NOP53: variants seen among roughly 807,000 people sequenced by gnomAD.
The protein encoded by NOP53 is NOP53 ribosome biogenesis factor.
In NOP53, 40 loss-of-function variants were observed where a neutral mutation model predicts 61.0. That is an observed-to-expected ratio of 0.66 (90% CI 0.51 to 0.85). The LOEUF (loss-of-function observed/expected upper bound fraction) is 0.85, where lower values mean the gene tolerates loss of function less well. Ranked by LOEUF, NOP53 falls within the 40% of genes least tolerant of loss-of-function variation. NOP53 has a pLI of 0.00. For missense variants in NOP53, 689 were observed against 652.9 expected (o/e 1.06, Z -0.60); for synonymous variants, 308 against 289.5 (o/e 1.06, Z -0.65).
In NOP53 at chr19:47,752,594, T is replaced by C; in HGVS notation, c.752T>C (p.Phe251Ser). 6.2e-7 allele frequency: 1 copy of C among 1,604,334 alleles called. No individual in the cohort carries two copies. Among genetic ancestry groups the C allele is most frequent in the Non-Finnish European group, 8.5e-7 (1 of 1,171,590 alleles). The change falls in exon 6 of 13, where the codon TTT becomes TCT. Residue 251 changes from phenylalanine to serine, a missense_variant. Physicochemically the swap from Phe to Ser is radical, Grantham distance 155. Coordinates refer to ENST00000246802, the MANE Select transcript of NOP53 (RefSeq NM_015710.5). ...APAGASYNPS[F>S]EDHQTLLSAA... is the part of the protein sequence containing the mutation. ...GCCGGAGCTTCCTACAATCCATCCT[T>C]TGAAGACCACCAGGTACACTGCCCC...
Position 47,752,606 on chromosome 19 carries a change from A to G in NOP53, c.764A>G (p.Gln255Arg), listed in dbSNP as rs1289025792. The G allele has an allele frequency of 1.9e-6, 3 of 1,582,962 alleles. No homozygotes were observed. The highest frequency in any genetic ancestry group is 1.3e-5 in the African/African-American group (1 of 74,548). ...TACAATCCATCCTTTGAAGACCACCAGGTACACTGCCCCGTCCAGGCCTCC... is the reference window on the plus strand; with the variant it reads ...TACAATCCATCCTTTGAAGACCACCGGGTACACTGCCCCGTCCAGGCCTCC... ...ASYNPSFEDHQTLLSAAHEVE... is the reference protein window; with the variant it reads ...ASYNPSFEDHRTLLSAAHEVE... The change falls in exon 6 of 13, where the codon CAG becomes CGG. Residue 255 changes from glutamine to arginine, a missense_variant and splice_region_variant. Gln to Arg is a conservative substitution (Grantham distance 43). Coordinates refer to ENST00000246802, the MANE Select transcript of NOP53 (RefSeq NM_015710.5).
chr19:47,756,166 C>T (rs1967195268), intron 10 of NOP53: 2 of 510,848 alleles, frequency 3.9e-6, no homozygotes, highest in South Asian at 5.1e-5. Flanking sequence ...TGAGGAAGCC[C>T]AGCTCCTCTG....
intron 2 of NOP53, 52 bp downstream of exon 2, chr19:47,747,083 C>T (rs889029023): frequency 2.2e-6 from 3 of 1,375,472 alleles, no homozygotes; most frequent in Non-Finnish European, 3.1e-6. Context: ...TGTTAGTCAG[C>T]TTACGGTAGC....
At position 47,754,900 on chromosome 19, in the gene NOP53, C is replaced by G; in HGVS notation, c.1053+9C>G. 1 of 1,496,896 alleles carries G rather than the reference C, an allele frequency of 6.7e-7. No homozygotes were observed. Among genetic ancestry groups the G allele is most frequent in the Non-Finnish European group, 8.8e-7 (1 of 1,134,508 alleles). The allele number at this position is 1,496,896 out of a possible 1,614,324, so 92.7% of individuals were successfully genotyped here. A position where few individuals can be genotyped will look rare whatever the true frequency, so the allele number is the denominator to read the frequency against. On this transcript the variant is annotated intron_variant, in intron 8 of 12. Coordinates refer to ENST00000246802, the MANE Select transcript of NOP53 (RefSeq NM_015710.5). The surrounding 1 kb of genome is among the most constrained non-coding windows in gnomAD (Gnocchi z 4.2). ...AGGCTGTGCACAGGCTGGTGAGCGC[C>G]TGGGCCAGCGGGGCCTGCCTCTGAT...
Position 47,750,888 on chromosome 19 carries a change from T to G in NOP53, c.399-20T>G. ...GCTGCCACCTCACCTGCTGCACTTG[T>G]GCCCCCTCTCCCCGACCAGCGTCCT... On this transcript the variant is annotated intron_variant, in intron 3 of 12. Transcript: ENST00000246802. 1 of 1,564,128 alleles carries G rather than the reference T, an allele frequency of 6.4e-7. No individual in the cohort carries two copies. The highest frequency in any genetic ancestry group is 8.7e-7 in the Non-Finnish European group (1 of 1,154,910).
chr19:47,755,315 G>T (rs752713080), intron 8 of NOP53, 33 bp from the exon 9 acceptor site: 1 of 1,412,534 alleles, frequency 7.1e-7, no homozygotes, highest in South Asian at 1.4e-5. Flanking sequence ...GGGCAGCACC[G>T]GCCTGAGCCC....
intron 1 of NOP53, 21 bp downstream of exon 1, chr19:47,745,804 G>A: frequency 6.7e-7 from 1 of 1,489,052 alleles, no homozygotes; most frequent in Non-Finnish European, 9.0e-7. Flanking sequence ...CGGGACTTCC[G>A]GGAGGTGGGA....
At position 47,750,997 on chromosome 19, in the gene NOP53, G is replaced by T. The variant is rs760081568; in HGVS notation, c.488G>T (p.Arg163Leu). 6.3e-7 allele frequency: 1 copy of T among 1,595,700 alleles called. No individual in the cohort carries two copies. The highest frequency in any genetic ancestry group is 8.5e-7 in the Non-Finnish European group (1 of 1,172,210). Residue 163 changes from arginine to leucine, a missense_variant, in exon 4 of 13, where the codon CGG becomes CTG. Physicochemically the swap from Arg to Leu is moderately radical, Grantham distance 102. Coordinates refer to ENST00000246802, the MANE Select transcript of NOP53 (RefSeq NM_015710.5). ...CTGGCCAAGCAGGGCGAGCTGCCCCGGGAGGTGCGCAGGGCCCAGGCCCGG... is the reference window on the plus strand; with the variant it reads ...CTGGCCAAGCAGGGCGAGCTGCCCCTGGAGGTGCGCAGGGCCCAGGCCCGG... Reference protein sequence around the residue: ...EKLAKQGELPREVRRAQARLL... With the variant: ...EKLAKQGELPLEVRRAQARLL...
rs1218395217 is a variant in NOP53 at position 47,754,819 on chromosome 19, G to A, written c.981G>A (p.Thr327=). 2.3e-5 allele frequency: 35 copies of A among 1,534,374 alleles called. No individual in the cohort carries two copies. In the East Asian group the frequency reaches 4.0e-4, roughly 18 times the overall value. ...PEAGDAEVCP[T]PARLATTEKK... Reference sequence around the variant, plus strand: ...CTGGGGATGCCGAGGTCTGTCCCACGCCCGCCCGCCTGGCCACCACAGAGA... The same window carrying A: ...CTGGGGATGCCGAGGTCTGTCCCACACCCGCCCGCCTGGCCACCACAGAGA... Residue 327 remains threonine (T), a synonymous_variant, in exon 8 of 13, where the codon ACG becomes ACA. Coordinates refer to ENST00000246802, the MANE Select transcript of NOP53 (RefSeq NM_015710.5). The surrounding 1 kb of genome is among the most constrained non-coding windows in gnomAD (Gnocchi z 4.2).
chr19:47,750,568 C>T (rs1028099153), intron 3 of NOP53, among the ~76,000 whole-genome samples: 2 of 151,884 alleles, frequency 1.3e-5, no homozygotes, highest in African/African-American at 2.4e-5. Context: ...GGGGCATGAG[C>T]GGGTGAGAGG....
At chr19:47,755,959 G>A (rs1487140504) in intron 10 of NOP53, 137 bp downstream of exon 10, 1 of 660,034 alleles carries the variant, frequency 1.5e-6, no homozygotes, top group Non-Finnish European at 2.7e-6. Flanking sequence ...AGGGGCTGAG[G>A]GCACGGGATG....
chr19:47,756,800 CCCA>C, intron 12 of NOP53, 56 bp downstream of exon 12: 1 of 1,572,440 alleles, frequency 6.4e-7, no homozygotes, highest in South Asian at 1.1e-5. Flanking sequence ...CCCCGTGGTG[CCCA>C]CCGAGTCCCA....
At chr19:47,751,195 GA>G in intron 4 of NOP53, 88 bp downstream of exon 4, 2 of 1,242,622 alleles carry the variant, frequency 1.6e-6, no homozygotes, top group Non-Finnish European at 1.1e-6. Flanking sequence ...AGTACAGTGT[GA>G]AAGGGAGTGC....
rs142374779 is a variant in NOP53, at chr19:47,751,590, G to A, written c.669G>A (p.Lys223=). ...AGCAGACCAAGAAGAAAGGAGTGAAGGTGAGATGTGTGGGAAGGGCATCCT... is the reference window on the plus strand; with the variant it reads ...AGCAGACCAAGAAGAAAGGAGTGAAAGTGAGATGTGTGGGAAGGGCATCCT... ...FLEQTKKKGV[K]RPARLHTKPS... is the part of the protein sequence containing the mutation. The change falls in exon 5 of 13, where the codon AAG becomes AAA. Residue 223 remains lysine, a splice_region_variant and synonymous_variant. Coordinates refer to ENST00000246802, the MANE Select transcript of NOP53 (RefSeq NM_015710.5). 1.2e-6 allele frequency: 2 copies of A among 1,613,208 alleles called. No homozygotes were observed. The highest frequency in any genetic ancestry group is 1.7e-6 in the Non-Finnish European group (2 of 1,179,282).
Position 47,756,983 on chromosome 19 carries a change from T to A in NOP53, c.1431-16T>A. 6.2e-7 allele frequency: 1 copy of A among 1,614,106 alleles called. No homozygotes were observed. Among genetic ancestry groups the A allele is most frequent in the Non-Finnish European group, 8.5e-7 (1 of 1,179,938 alleles). On this transcript the variant is annotated splice_polypyrimidine_tract_variant and intron_variant, in intron 12 of 12. Coordinates refer to ENST00000246802, the MANE Select transcript of NOP53 (RefSeq NM_015710.5). ...CACCCTCTCACCCACCCTCAGCTCC[T>A]TTCCTCTGTCCCCAGGTTGTAGCTG...
At position 47,750,890 on chromosome 19, in the gene NOP53, C is replaced by T. The variant is rs1327063080; in HGVS notation, c.399-18C>T. ...TGCCACCTCACCTGCTGCACTTGTG[C>T]CCCCTCTCCCCGACCAGCGTCCTCG... On this transcript the variant is annotated intron_variant, in intron 3 of 12. Transcript: ENST00000246802. 1 of 1,565,328 alleles carries T rather than the reference C, an allele frequency of 6.4e-7. No homozygotes were observed. The highest frequency in any genetic ancestry group is 8.7e-7 in the Non-Finnish European group (1 of 1,155,598).
rs1315360118 is a variant in NOP53 at position 47,754,131 on chromosome 19, GC to G, written c.766-394del. The G allele has an allele frequency of 5.7e-6, 1 of 176,562 alleles. No individual in the cohort carries two copies. Among genetic ancestry groups the G allele is most frequent in the Admixed American group, 5.7e-5 (1 of 17,446 alleles). 10.9% of individuals were successfully genotyped at this position (176,562 alleles called of 1,614,324 possible). ...CATCTCTACTAAAGTTACAGAATTA[GC>G]CGGGTATGGTGGCACATGCCTGTAA... On this transcript the variant is annotated intron_variant, in intron 6 of 12. Coordinates refer to ENST00000246802, the MANE Select transcript of NOP53 (RefSeq NM_015710.5). This position sits in a 1 kb window ranked among gnomAD's most constrained non-coding sequence, Gnocchi z 4.2.
In NOP53 at chr19:47,750,221, T is replaced by C. The variant is rs569945779; in HGVS notation, c.333T>C (p.Leu111=). The stretch of plus-strand genomic sequence containing the variant: ...CCAAAGTCCAGAAGAAGTCACTGCT[T>C]CTCAAGAAACCCCTTCGGGTTGACC... The part of the protein sequence containing the change: ...KRTKVQKKSL[L]LKKPLRVDLI... The change falls in exon 3 of 13, where the codon CTT becomes CTC. Residue 111 remains leucine, a synonymous_variant. Coordinates refer to ENST00000246802, the MANE Select transcript of NOP53 (RefSeq NM_015710.5). The C allele has an allele frequency of 2.4e-5, 39 of 1,613,310 alleles. No homozygotes were observed. In the South Asian group the frequency reaches 4.2e-4, roughly 17 times the overall value.
intron 10 of NOP53, chr19:47,756,164 C>T: frequency 2.0e-6 from 1 of 509,630 alleles, no homozygotes; most frequent in Non-Finnish European, 3.5e-6. Context: ...CCTGAGGAAG[C>T]CCAGCTCCTC....
Sources: gnomAD v4.1 joint callset for allele counts (sites outside exome capture counted in the v4.1 genomes callset) on GRCh38, gnomAD v4.1.1 for gene constraint, Gnocchi (gnomAD v3.1) non-coding constraint, MANE v1.5 for transcripts, NCBI Gene and HGNC (gene_info 2026-07-23, HGNC 2026-07-21) for gene names.